The following ADAMTS3 variants were observed in gnomAD, a reference collection of about 807,000 sequenced individuals.
ADAMTS3 encodes A disintegrin and metalloproteinase with thrombospondin motifs 3.
Under a neutral mutation model 129.0 loss-of-function variants are expected in ADAMTS3, and 73 were observed. The ratio of observed to expected loss-of-function variants is 0.57; its 90% CI spans 0.47 to 0.69. ADAMTS3 has a LOEUF of 0.69. Ranked by LOEUF, ADAMTS3 falls within the 30% of genes least tolerant of loss-of-function variation. ADAMTS3 has a pLI of 0.00. For missense variants in ADAMTS3, 1,457 were observed against 1,514.5 expected (o/e 0.96, Z 0.63); for synonymous variants, 477 against 510.8 (o/e 0.93, Z 0.89).
At chr4:72,498,318 T>A (rs916434282) in intron 3 of ADAMTS3, among the ~76,000 whole-genome samples, 48 of 151,934 alleles carry the variant, frequency 3.2e-4, no homozygotes, top group African/African-American at 1.0e-3. Flanking sequence ...CCTGCCATTG[T>A]ATCAATGACA....
intron 3 of ADAMTS3, among the ~76,000 whole-genome samples, chr4:72,448,701 A>G (rs150478126): frequency 2.8e-4 from 43 of 151,852 alleles, no homozygotes; most frequent in African/African-American, 9.4e-4. Flanking sequence ...TATTTTTCTG[A>G]TATCCCTGCA....
rs759143488 is a variant in ADAMTS3 at position 72,283,214 on chromosome 4, A to C, written c.3540T>G (p.Ser1180=). ...FAASDSIGAS[S]QARTSKKDGK... ...CATCTTTCTTTGAGGTTCTTGCCTG[A>C]GAAGAAGCACCTATTGAATCACTGG... Residue 1180 remains serine, a synonymous_variant, in exon 22 of 22, where the codon TCT becomes TCG. Coordinates refer to ENST00000286657, the MANE Select transcript of ADAMTS3 (RefSeq NM_014243.3). The C allele has an allele frequency of 1.2e-6, 2 of 1,613,864 alleles. No individual in the cohort carries two copies. Among genetic ancestry groups the C allele is most frequent in the Admixed American group, 3.3e-5 (2 of 59,982 alleles).
chr4:72,288,088 A>ACTC (rs1310999074), intron 21 of ADAMTS3, among the ~76,000 whole-genome samples: 2 of 152,078 alleles, frequency 1.3e-5, no homozygotes, highest in African/African-American at 4.8e-5. Flanking sequence ...CTGGTCTCGA[A>ACTC]CTCCTGACCT....
At chr4:72,402,329 C>T (rs954338946) in intron 4 of ADAMTS3, among the ~76,000 whole-genome samples, 3 of 152,080 alleles carry the variant, frequency 2.0e-5, no homozygotes, top group Non-Finnish European at 4.4e-5. Flanking sequence ...GGTTTTAATG[C>T]CAATCTTTAC....
At position 72,288,874 on chromosome 4, in the gene ADAMTS3, GA is replaced by G; in HGVS notation, c.2932-7del. On this transcript the variant is annotated splice_region_variant and splice_polypyrimidine_tract_variant and intron_variant, in intron 20 of 21. Coordinates refer to ENST00000286657, the MANE Select transcript of ADAMTS3 (RefSeq NM_014243.3). ...TCACCGCAGGTCACTGAACACTGCA[GA>G]GACAAAGGCTGTGGTTACAGACATT... 6.3e-7 allele frequency: 1 copy of G among 1,592,864 alleles called. No individual in the cohort carries two copies. Among genetic ancestry groups the G allele is most frequent in the Non-Finnish European group, 8.6e-7 (1 of 1,162,396 alleles).
chr4:72,487,378 C>G (rs988997551), intron 3 of ADAMTS3, among the ~76,000 whole-genome samples: 20 of 152,070 alleles, frequency 1.3e-4, no homozygotes, highest in Admixed American at 1.3e-3. Flanking sequence ...TCACAAGAAT[C>G]TATGATCTTC....
At chr4:72,462,381 A>T (rs1718792912) in intron 3 of ADAMTS3, among the ~76,000 whole-genome samples, 1 of 152,054 alleles carries the variant, frequency 6.6e-6, no homozygotes, top group Non-Finnish European at 1.5e-5. Flanking sequence ...GTCTCATCAT[A>T]GCCCTTGGCT....
chr4:72,503,284 G>T (rs1224690347), intron 3 of ADAMTS3, among the ~76,000 whole-genome samples: 2 of 152,112 alleles, frequency 1.3e-5, no homozygotes, highest in South Asian at 2.1e-4. Flanking sequence ...GCCTCCCAAA[G>T]TGCTGGGATT....
At chr4:72,409,743 C>T (rs1722141919) in intron 4 of ADAMTS3, among the ~76,000 whole-genome samples, 1 of 152,142 alleles carries the variant, frequency 6.6e-6, no homozygotes, top group Non-Finnish European at 1.5e-5. Flanking sequence ...AACCTTCACT[C>T]TGATTCCTAT....
At chr4:72,425,340 C>CT (rs199932878) in intron 3 of ADAMTS3, among the ~76,000 whole-genome samples, 4,059 of 151,026 alleles carry the variant, frequency 0.027, 197 homozygotes, top group East Asian at 0.22. Flanking sequence ...GCATTTGATT[C>CT]TTTTTTTTTA....
intron 3 of ADAMTS3, among the ~76,000 whole-genome samples, chr4:72,530,353 AATTAATATATAAATATAATATATAAT>A (rs1720974658): frequency 1.2e-5 from 1 of 85,518 alleles, no homozygotes; most frequent in South Asian, 3.9e-4. Context: ...ATATATATTA[AATTAATATATAAATATAATATATAAT>A]ATATATTAAA....
intron 5 of ADAMTS3, 117 bp from the exon 6 acceptor site, chr4:72,323,214 A>T: frequency 1.3e-6 from 1 of 753,816 alleles, no homozygotes; most frequent in Non-Finnish European, 2.3e-6. Context: ...TTTTAAATTG[A>T]GTTTAATAGC....
At chr4:72,483,454 C>A (rs200395019) in intron 3 of ADAMTS3, among the ~76,000 whole-genome samples, 1 of 152,156 alleles carries the variant, frequency 6.6e-6, no homozygotes, top group East Asian at 1.9e-4. Flanking sequence ...TAGCTAATGG[C>A]AAGTATCCCT....
intron 6 of ADAMTS3, 100 bp from the exon 7 acceptor site, chr4:72,320,970 C>A: frequency 8.2e-7 from 1 of 1,222,692 alleles, no homozygotes; most frequent in South Asian, 1.6e-5. Flanking sequence ...AGTATTTAAA[C>A]AATGATTCAA....
At chr4:72,507,893 T>A (rs918477129) in intron 3 of ADAMTS3, among the ~76,000 whole-genome samples, 1 of 152,214 alleles carries the variant, frequency 6.6e-6, no homozygotes, top group Non-Finnish European at 1.5e-5. Flanking sequence ...TTTTTTGACT[T>A]GCATATTTAA....
chr4:72,496,022 A>T (rs1441196230), intron 3 of ADAMTS3, among the ~76,000 whole-genome samples: 2 of 152,330 alleles, frequency 1.3e-5, no homozygotes, highest in African/African-American at 4.8e-5. Context: ...AATGACTATA[A>T]TGGGAGAGCT....
At chr4:72,406,156 G>A (rs540598312) in intron 4 of ADAMTS3, among the ~76,000 whole-genome samples, 34 of 152,160 alleles carry the variant, frequency 2.2e-4, no homozygotes, top group African/African-American at 7.2e-4. Flanking sequence ...TGGACAAATA[G>A]CAGTCCCAGC....
intron 3 of ADAMTS3, among the ~76,000 whole-genome samples, chr4:72,531,992 C>G (rs911429942): frequency 6.6e-6 from 1 of 150,742 alleles, no homozygotes; most frequent in African/African-American, 2.4e-5. Context: ...CTGACAGGTA[C>G]TGAGTCAAAC....
Position 72,312,469 on chromosome 4 carries a change from A to C in ADAMTS3, c.1746-3T>G, listed in dbSNP as rs1719267756. ...AATCCTGACCACCATTGATGGGCCTAAAGAAAAGACAACATTTAAAAAGGC... is the reference window on the plus strand; with the variant it reads ...AATCCTGACCACCATTGATGGGCCTCAAGAAAAGACAACATTTAAAAAGGC... On this transcript the variant is annotated splice_region_variant and splice_polypyrimidine_tract_variant and intron_variant, in intron 12 of 21. Transcript: ENST00000286657. 2.5e-6 allele frequency: 4 copies of C among 1,612,892 alleles called. No individual in the cohort carries two copies. The highest frequency in any genetic ancestry group is 1.3e-5 in the African/African-American group (1 of 74,870).
Sources: gnomAD v4.1 joint callset for allele counts (sites outside exome capture counted in the v4.1 genomes callset) on GRCh38, gnomAD v4.1.1 for gene constraint, MANE v1.5 for transcripts, NCBI Gene and HGNC (gene_info 2026-07-23, HGNC 2026-07-21) for gene names.